Variants in HSPA4L observed in about 807,000 individuals in gnomAD.
HSPA4L encodes the protein heat shock protein family A (Hsp70) member 4 like.
HSPA4L carries 48 observed loss-of-function variants against 100.3 expected under a neutral mutation model. The ratio of observed to expected loss-of-function variants is 0.48; its 90% CI spans 0.38 to 0.61. The LOEUF is 0.61. Among genes scored for constraint, HSPA4L ranks in the 20% least tolerant of loss-of-function variants. HSPA4L has a pLI of 0.00. For synonymous variants in HSPA4L, 319 were observed against 328.2 expected (o/e 0.97, Z 0.30); for missense variants, 886 against 988.6 (o/e 0.90, Z 1.39).
intron 14 of HSPA4L, among the ~76,000 whole-genome samples, chr4:127,821,907 G>A (rs1334270649): frequency 6.6e-6 from 1 of 152,100 alleles, no homozygotes; most frequent in Non-Finnish European, 1.5e-5. Flanking sequence ...ATTTTAATCT[G>A]AGTATGTAGA....
chr4:127,821,905 C>G (rs923151311), intron 14 of HSPA4L, among the ~76,000 whole-genome samples: 1 of 152,134 alleles, frequency 6.6e-6, no homozygotes, highest in African/African-American at 2.4e-5. Context: ...GGATTTTAAT[C>G]TGAGTATGTA....
intron 6 of HSPA4L, 63 bp downstream of exon 6, chr4:127,801,981 T>G (rs1289289397): frequency 7.3e-6 from 10 of 1,366,340 alleles, no homozygotes; most frequent in Non-Finnish European, 9.9e-6. Context: ...AGAACCGTAA[T>G]AGCTGGGTTC....
intron 1 of HSPA4L, among the ~76,000 whole-genome samples, chr4:127,787,878 A>G (rs1265171788): frequency 6.6e-6 from 1 of 152,112 alleles, no homozygotes; most frequent in Non-Finnish European, 1.5e-5. Flanking sequence ...TAGCACTGAT[A>G]GTCTTTTAAT....
chr4:127,812,421 CAA>C (rs79816485), intron 12 of HSPA4L, among the ~76,000 whole-genome samples: 2 of 131,456 alleles, frequency 1.5e-5, no homozygotes, highest in African/African-American at 5.5e-5. Context: ...AAAAAAAAAA[CAA>C]AAAAAAAAAC....
chr4:127,816,900 A>C (rs1733683137), intron 12 of HSPA4L, among the ~76,000 whole-genome samples: 1 of 152,214 alleles, frequency 6.6e-6, no homozygotes, highest in African/African-American at 2.4e-5. Flanking sequence ...ATAAATATAA[A>C]AATTCTAAGT....
At chr4:127,794,056 C>T in intron 1 of HSPA4L, 21 bp from the exon 2 acceptor site, 1 of 1,565,204 alleles carries the variant, frequency 6.4e-7, no homozygotes, top group Non-Finnish European at 8.7e-7. Context: ...ATGGAACAAA[C>T]TTTTTGTTTT....
chr4:127,839,874 A>G lies in HSPA4L; in HGVS notation c.*7000A>G, dbSNP rs1004306848. On this transcript the variant is annotated 3_prime_UTR_variant, in exon 19 of 19. Transcript: ENST00000296464. ...GTCCTTTAATACCATAGCAAATAGA[A>G]GCAATTTTTAATGAGGTTACTGAAT... is the stretch of plus-strand genomic sequence containing the variant. 1 of 152,182 alleles carries G rather than the reference A, an allele frequency of 6.6e-6. No individual in the cohort carries two copies. The allele number at this position is 152,182 out of a possible 1,614,324, so 9.4% of individuals were successfully genotyped here.
chr4:127,794,206 T>TTA, intron 2 of HSPA4L, 72 bp downstream of exon 2: 1 of 1,204,628 alleles, frequency 8.3e-7, no homozygotes, highest in Non-Finnish European at 1.2e-6. Context: ...GTTCCTTAAG[T>TTA]TATATTGTTA....
At chr4:127,830,611 G>T in intron 17 of HSPA4L, 27 bp from the exon 18 acceptor site, 1 of 1,535,494 alleles carries the variant, frequency 6.5e-7, no homozygotes, top group Non-Finnish European at 8.8e-7. Flanking sequence ...TCATTAACAT[G>T]CAGTCAAGCT....
At position 127,798,611 on chromosome 4, in the gene HSPA4L, C is replaced by G; in HGVS notation, c.331C>G (p.Pro111Ala). 1 of 1,613,662 alleles carries G rather than the reference C, an allele frequency of 6.2e-7. No homozygotes were observed. The highest frequency in any genetic ancestry group is 1.1e-5 in the South Asian group (1 of 91,058). Residue 111 changes from proline (P) to alanine (A), a missense_variant, in exon 4 of 19, where the codon CCT becomes GCT. Pro to Ala is a conservative substitution (Grantham distance 27, BLOSUM62 -1). Transcript: ENST00000296464. The part of the protein sequence containing the change: ...VKVRYLEEER[P>A]FAIEQVTGML... ...GGTGCGGTACTTAGAGGAAGAGAGA[C>G]CTTTTGCAATTGAGCAAGTTACTGG...
rs1734295105 is a variant in HSPA4L at position 127,838,741 on chromosome 4, TTAAA to T, written c.*5871_*5874del. ...TATCCTCTTATCCAATTCTAGACTC[TTAAA>T]TAATCACTGTATTTTTCTCAAGTAT... is the stretch of plus-strand genomic sequence containing the variant. On this transcript the variant is annotated 3_prime_UTR_variant, in exon 19 of 19. Transcript: ENST00000296464. The T allele has an allele frequency of 6.6e-6, 1 of 152,368 alleles. No individual in the cohort carries two copies. Among genetic ancestry groups the T allele is most frequent in the East Asian group, 1.9e-4 (1 of 5,194 alleles). The allele number at this position is 152,368 out of a possible 1,614,324, so 9.4% of individuals were successfully genotyped here.
intron 18 of HSPA4L, among the ~76,000 whole-genome samples, chr4:127,831,291 A>C (rs1266010282): frequency 6.6e-6 from 1 of 152,084 alleles, no homozygotes; most frequent in African/African-American, 2.4e-5. Context: ...GCTTGAACCC[A>C]GGAGTTCGAG....
rs1383904621 is a variant in HSPA4L at position 127,834,182 on chromosome 4, G to C, written c.*1308G>C. The C allele has an allele frequency of 2.6e-5, 4 of 152,122 alleles. No homozygotes were observed. Among genetic ancestry groups the C allele is most frequent in the African/African-American group, 4.8e-5 (2 of 41,432 alleles). 9.4% of individuals were successfully genotyped at this position (152,122 alleles called of 1,614,324 possible). Reference sequence around the variant, plus strand: ...AAGTATGGGAACAGACTGAAATGGTGTTTCAACCTGCAAGAGACAGAAGCA... The same window carrying C: ...AAGTATGGGAACAGACTGAAATGGTCTTTCAACCTGCAAGAGACAGAAGCA... On this transcript the variant is annotated 3_prime_UTR_variant, in exon 19 of 19. Transcript: ENST00000296464.
At chr4:127,820,617 T>C (rs761727060) in intron 14 of HSPA4L, 52 bp downstream of exon 14, 17 of 1,556,506 alleles carry the variant, frequency 1.1e-5, no homozygotes, top group Non-Finnish European at 1.5e-5. Flanking sequence ...TTCTGAAATT[T>C]TGTAGAAGTC....
chr4:127,804,237 A>G, intron 8 of HSPA4L, 150 bp downstream of exon 8: 1 of 631,670 alleles, frequency 1.6e-6, no homozygotes, highest in Non-Finnish European at 2.7e-6. Context: ...CTCATTATTC[A>G]TAAGAGTAAG....
intron 3 of HSPA4L, among the ~76,000 whole-genome samples, chr4:127,796,159 T>C (rs1733016571): frequency 6.6e-6 from 1 of 152,000 alleles, no homozygotes; most frequent in Admixed American, 6.6e-5. Context: ...TTTTAGGGGA[T>C]AAAAATGAAG....
intron 1 of HSPA4L, among the ~76,000 whole-genome samples, 162 bp downstream of exon 1, chr4:127,782,819 G>A (rs1055798789): frequency 2.0e-5 from 3 of 151,734 alleles, no homozygotes; most frequent in African/African-American, 4.8e-5. Flanking sequence ...AGAGACCGCC[G>A]GGTGGCAGTC....
chr4:127,826,775 T>G (rs773444914), intron 16 of HSPA4L, among the ~76,000 whole-genome samples: 5 of 152,188 alleles, frequency 3.3e-5, no homozygotes, highest in Non-Finnish European at 7.3e-5. Context: ...CAGAGTCTGT[T>G]TTAACATTTA....
chr4:127,820,517 A>G lies in HSPA4L; in HGVS notation c.1764A>G (p.Leu588=), dbSNP rs565463033. The part of the protein sequence containing the change: ...KSIDLPIQSS[L]CRQLGQDLLN... The stretch of plus-strand genomic sequence containing the variant: ...TTGATCTACCGATCCAGAGTAGCCT[A>G]TGTAGACAACTAGGCCAAGATCTTC... Residue 588 remains leucine (L), a synonymous_variant, in exon 14 of 19, where the codon CTA becomes CTG. Coordinates refer to ENST00000296464, the MANE Select transcript of HSPA4L (RefSeq NM_014278.4). 7.2e-5 allele frequency: 115 copies of G among 1,602,642 alleles called. No homozygotes were observed. The South Asian group carries it at 1.2e-3, about 17-fold the overall frequency.
Sources: gnomAD v4.1 joint callset for allele counts (sites outside exome capture counted in the v4.1 genomes callset) on GRCh38, gnomAD v4.1.1 for gene constraint, MANE v1.5 for transcripts, NCBI Gene and HGNC (gene_info 2026-07-23, HGNC 2026-07-21) for gene names.